Variants in SCFD1 observed in about 807,000 individuals in gnomAD.
SCFD1 encodes the protein sec1 family domain containing 1.
SCFD1 carries 37 observed loss-of-function variants against 103.2 expected under a neutral mutation model. That is an observed-to-expected ratio of 0.36 (90% CI 0.28 to 0.47). The LOEUF is 0.47. SCFD1 is among the 20% of genes least tolerant of loss of function. The pLI, the probability that SCFD1 is intolerant of heterozygous loss-of-function variation, is 1.00. For missense variants in SCFD1, 639 were observed against 761.2 expected (o/e 0.84, Z 1.89); for synonymous variants, 264 against 245.0 (o/e 1.08, Z -0.73).
At chr14:30,717,249 A>G (rs1459948271) in intron 20 of SCFD1, among the ~76,000 whole-genome samples, 1 of 152,194 alleles carries the variant, frequency 6.6e-6, no homozygotes, top group African/African-American at 2.4e-5. Context: ...GCCAAGGCTG[A>G]CAGATCACTT....
chr14:30,634,001 A>G lies in SCFD1; in HGVS notation c.276A>G (p.Val92=). The change falls in exon 4 of 25, where the codon GTA becomes GTG. Residue 92 remains valine, a synonymous_variant. Transcript: ENST00000458591. ...PIPDVPAVYF[V]MPTEENIDRM... Reference sequence around the variant, plus strand: ...CAGATGTTCCTGCAGTATACTTTGTAATGCCAACTGAAGAAAATATTGACA... The same window carrying G: ...CAGATGTTCCTGCAGTATACTTTGTGATGCCAACTGAAGAAAATATTGACA... 6.2e-7 allele frequency: 1 copy of G among 1,601,196 alleles called. No homozygotes were observed. Among genetic ancestry groups the G allele is most frequent in the Non-Finnish European group, 8.5e-7 (1 of 1,171,350 alleles).
intron 14 of SCFD1, among the ~76,000 whole-genome samples, chr14:30,678,214 T>G (rs1327994034): frequency 6.6e-6 from 1 of 152,146 alleles, no homozygotes; most frequent in Non-Finnish European, 1.5e-5. Flanking sequence ...ACTGTATTAG[T>G]TTTACATATT....
chr14:30,730,929 T>C (rs6571362), intron 23 of SCFD1, among the ~76,000 whole-genome samples: 74,975 of 151,628 alleles, frequency 0.49, 21,477 homozygotes, highest in African/African-American at 0.79. Flanking sequence ...CTTGCCCATG[T>C]CTATGTCCTG....
intron 5 of SCFD1, among the ~76,000 whole-genome samples, chr14:30,638,887 C>T (rs902784982): frequency 7.2e-5 from 11 of 152,230 alleles, no homozygotes; most frequent in African/African-American, 2.6e-4. Flanking sequence ...CTATCTAGGA[C>T]AAATAAAAGA....
rs192157406 is a variant in SCFD1, at chr14:30,637,276, G to C, written c.313-849G>C. On this transcript the variant is annotated intron_variant, in intron 4 of 24. Coordinates refer to ENST00000458591, the MANE Select transcript of SCFD1 (RefSeq NM_016106.4). ...TCAGCAACACAGGATTCACTCTAGCGTTTCCCTTTTCTCTTTACAAATTTG... is the reference window on the plus strand; with the variant it reads ...TCAGCAACACAGGATTCACTCTAGCCTTTCCCTTTTCTCTTTACAAATTTG... Among the ~76,000 whole-genome samples, 5 of 152,006 alleles carry C rather than the reference G, an allele frequency of 3.3e-5. 1 individual carries two copies. The highest frequency in any genetic ancestry group is 3.3e-4 in the Admixed American group (5 of 15,246).
intron 5 of SCFD1, among the ~76,000 whole-genome samples, chr14:30,638,783 A>T (rs949421612): frequency 2.6e-5 from 4 of 152,354 alleles, no homozygotes; most frequent in African/African-American, 7.2e-5. Flanking sequence ...AGCTTCAGTT[A>T]TAAATCAATT....
chr14:30,629,788 G>C lies in SCFD1; in HGVS notation c.133-689G>C, dbSNP rs182704403. 3.7e-3 allele frequency among the ~76,000 whole-genome samples: 558 copies of C among 152,140 alleles called. 7 individuals are homozygous for C. Among genetic ancestry groups the C allele is most frequent in the African/African-American group, 0.013 (528 of 41,502 alleles). The stretch of plus-strand genomic sequence containing the variant: ...AGAAAGGGTTTCACCATGTTGGCCA[G>C]GATGGTCTCTATCTCTTGACCTAGT... On this transcript the variant is annotated intron_variant, in intron 2 of 24. Transcript: ENST00000458591.
At chr14:30,650,777 C>G in intron 9 of SCFD1, 127 bp downstream of exon 9, 1 of 586,328 alleles carries the variant, frequency 1.7e-6, no homozygotes. Flanking sequence ...TAATCAGGAT[C>G]AAGGTTTTGA....
intron 14 of SCFD1, among the ~76,000 whole-genome samples, chr14:30,680,368 T>G (rs576684544): frequency 6.6e-6 from 1 of 152,176 alleles, no homozygotes; most frequent in South Asian, 2.1e-4. Flanking sequence ...AAAGGGAGAA[T>G]GAACTTTTTT....
chr14:30,641,409 G>A (rs1003139402), intron 6 of SCFD1, among the ~76,000 whole-genome samples: 4 of 152,126 alleles, frequency 2.6e-5, no homozygotes, highest in Admixed American at 2.6e-4. Flanking sequence ...AAACATAAAA[G>A]TTAGGGTTAC....
At chr14:30,625,821 G>T (rs1450685783) in intron 1 of SCFD1, among the ~76,000 whole-genome samples, 2 of 152,028 alleles carry the variant, frequency 1.3e-5, no homozygotes, top group African/African-American at 4.8e-5. Flanking sequence ...ATCTCAGACT[G>T]GGCTGAGAAG....
intron 17 of SCFD1, among the ~76,000 whole-genome samples, chr14:30,702,606 G>A (rs1566644635): frequency 1.3e-5 from 2 of 152,082 alleles, no homozygotes; most frequent in South Asian, 2.1e-4. Context: ...TTACTGATAA[G>A]GTGAGAAAGT....
chr14:30,729,435 T>C (rs1161666325), intron 23 of SCFD1, among the ~76,000 whole-genome samples: 1 of 152,220 alleles, frequency 6.6e-6, no homozygotes, highest in Non-Finnish European at 1.5e-5. Context: ...TCCACTGCCA[T>C]CTGTTGAAAA....
chr14:30,694,106 C>T (rs1352078433), intron 14 of SCFD1, among the ~76,000 whole-genome samples: 1 of 151,984 alleles, frequency 6.6e-6, no homozygotes, highest in Non-Finnish European at 1.5e-5. Flanking sequence ...AGGTAACTTT[C>T]CATCTAGTTA....
At chr14:30,640,164 A>G (rs529547248) in intron 6 of SCFD1, among the ~76,000 whole-genome samples, 9 of 152,326 alleles carry the variant, frequency 5.9e-5, no homozygotes, top group Admixed American at 1.3e-4. Context: ...TTTTAGTAGC[A>G]GATTTCAAAT....
intron 23 of SCFD1, among the ~76,000 whole-genome samples, chr14:30,726,589 A>C (rs1893061102): frequency 1.3e-5 from 2 of 152,124 alleles, no homozygotes; most frequent in African/African-American, 4.8e-5. Context: ...GTTTCCCATA[A>C]ATTCATTCTT....
chr14:30,735,525 T>A, intron 24 of SCFD1, 61 bp from the exon 25 acceptor site: 1 of 1,153,388 alleles, frequency 8.7e-7, no homozygotes, highest in Non-Finnish European at 1.3e-6. Flanking sequence ...CAAATATGTT[T>A]GAATGTTTCT....
At chr14:30,713,814 T>C (rs1054327847) in intron 19 of SCFD1, among the ~76,000 whole-genome samples, 1 of 152,200 alleles carries the variant, frequency 6.6e-6, no homozygotes, top group Non-Finnish European at 1.5e-5. Flanking sequence ...CAAAACAATT[T>C]ACAATGTTCT....
At chr14:30,635,148 G>A (rs1594569188) in intron 4 of SCFD1, 1 of 356,958 alleles carries the variant, frequency 2.8e-6, no homozygotes, top group East Asian at 7.4e-5. Flanking sequence ...GTAGCTTTAT[G>A]ATGCCCAGCT....
Sources: gnomAD v4.1 joint callset for allele counts (sites outside exome capture counted in the v4.1 genomes callset) on GRCh38, gnomAD v4.1.1 for gene constraint, MANE v1.5 for transcripts, NCBI Gene and HGNC (gene_info 2026-07-23, HGNC 2026-07-21) for gene names.